The following ZNF680 variants were observed in gnomAD, a reference collection of about 807,000 sequenced individuals.
The protein encoded by ZNF680 is zinc finger protein 680, also known as hypothetical protein FLJ90430.
Under a neutral mutation model 12.1 loss-of-function variants are expected in ZNF680, and 6 were observed. That is an observed-to-expected ratio of 0.49 (90% CI 0.27 to 0.98). ZNF680 has a LOEUF of 0.98. ZNF680 is among the 50% of genes least tolerant of loss of function. ZNF680 has a pLI of 0.12. For synonymous variants in ZNF680, 170 were observed against 199.3 expected, an observed-to-expected ratio of 0.85 and a Z score of 1.24; for missense variants, 561 against 616.3, an observed-to-expected ratio of 0.91 and a Z score of 0.95.
chr7:64,557,177 G>A (rs1430190845), intron 1 of ZNF680, among the ~76,000 whole-genome samples: 2 of 151,974 alleles, frequency 1.3e-5, no homozygotes, highest in Non-Finnish European at 1.5e-5. Flanking sequence ...CATGAACCTG[G>A]GAGGTAGAGC....
chr7:64,533,199 C>A (rs1418156651), intron 3 of ZNF680, among the ~76,000 whole-genome samples: 2 of 152,086 alleles, frequency 1.3e-5, no homozygotes, highest in Non-Finnish European at 2.9e-5. Context: ...TAAAGGGCAT[C>A]CAAATCAGTA....
At chr7:64,514,832 T>C in the ZNF680 span, among the ~76,000 whole-genome samples, 1 of 152,296 alleles carries the variant, frequency 6.6e-6, no homozygotes, top group East Asian at 1.9e-4. Context: ...TCACCTGAGG[T>C]CGGGAATTCA....
chr7:64,516,658 A>C (rs1409566554), downstream of ZNF680, among the ~76,000 whole-genome samples: 1 of 152,206 alleles, frequency 6.6e-6, no homozygotes, highest in African/African-American at 2.4e-5. Context: ...CAAAAACCAC[A>C]AACTATGCAT....
chr7:64,510,216 A>G, the ZNF680 span, among the ~76,000 whole-genome samples: 1 of 90,522 alleles, frequency 1.1e-5, no homozygotes, highest in Non-Finnish European at 2.1e-5. Context: ...TGGTGATCCC[A>G]TAAATACGTA....
the ZNF680 span, among the ~76,000 whole-genome samples, chr7:64,504,525 A>G: frequency 6.6e-6 from 1 of 152,264 alleles, no homozygotes. Context: ...AATCCAAATT[A>G]CTATAAACAA....
intron 3 of ZNF680, among the ~76,000 whole-genome samples, chr7:64,539,365 AAAAAAAAAAAG>A (rs1159346976): frequency 6.2e-5 from 9 of 144,740 alleles, no homozygotes; most frequent in Admixed American, 2.8e-4. Context: ...AAAAAAAAAA[AAAAAAAAAAAG>A]AAAAGAAAAT....
intron 3 of ZNF680, 70 bp downstream of exon 3, chr7:64,543,637 C>A (rs1786621809): frequency 1.5e-6 from 2 of 1,325,546 alleles, no homozygotes; most frequent in Non-Finnish European, 2.1e-6. Flanking sequence ...ATGTCAAGAA[C>A]TGACTTTCTC....
intron 1 of ZNF680, among the ~76,000 whole-genome samples, chr7:64,560,371 C>T (rs950930862): frequency 1.3e-5 from 2 of 152,234 alleles, no homozygotes; most frequent in Admixed American, 1.3e-4. Flanking sequence ...CTCTTGGCAT[C>T]CTAAAGTGCT....
intron 3 of ZNF680, among the ~76,000 whole-genome samples, chr7:64,536,524 C>A (rs746308830): frequency 1.3e-5 from 2 of 152,192 alleles, no homozygotes; most frequent in African/African-American, 4.8e-5. Context: ...CTGATTACCA[C>A]GAGGATGGCG....
chr7:64,559,408 A>G (rs1287264847), intron 1 of ZNF680, among the ~76,000 whole-genome samples: 1 of 152,116 alleles, frequency 6.6e-6, no homozygotes, highest in Non-Finnish European at 1.5e-5. Flanking sequence ...CAGCCGGGCC[A>G]GAGTGACTCA....
intron 1 of ZNF680, among the ~76,000 whole-genome samples, chr7:64,555,693 C>A (rs187627686): frequency 6.8e-6 from 1 of 147,788 alleles, no homozygotes; most frequent in African/African-American, 2.5e-5. Context: ...AAAAAAAATA[C>A]GAGACCAAAA....
chr7:64,558,261 A>C (rs935141568), intron 1 of ZNF680, among the ~76,000 whole-genome samples: 5 of 150,656 alleles, frequency 3.3e-5, no homozygotes, highest in African/African-American at 1.2e-4. Flanking sequence ...GATTTTTGGC[A>C]AAAAAAAACA....
intron 3 of ZNF680, among the ~76,000 whole-genome samples, chr7:64,537,775 AAAC>A (rs1159577950): frequency 3.9e-5 from 6 of 152,004 alleles, no homozygotes; most frequent in Non-Finnish European, 8.8e-5. Flanking sequence ...AAAATACAAA[AAAC>A]AATTAGCCGG....
At chr7:64,548,889 G>A (rs1046051819) in intron 1 of ZNF680, among the ~76,000 whole-genome samples, 10 of 151,978 alleles carry the variant, frequency 6.6e-5, no homozygotes, top group South Asian at 2.1e-4. Flanking sequence ...TTGGGAGGCC[G>A]AGGTGGGCGG....
chr7:64,510,527 G>A, the ZNF680 span, among the ~76,000 whole-genome samples: 50 of 152,134 alleles, frequency 3.3e-4, no homozygotes, highest in Non-Finnish European at 5.6e-4. Flanking sequence ...AAACTTTGCA[G>A]TATGTAAATA....
chr7:64,516,640 A>G (rs1791361520), downstream of ZNF680, among the ~76,000 whole-genome samples: 1 of 152,214 alleles, frequency 6.6e-6, no homozygotes, highest in Non-Finnish European at 1.5e-5. Context: ...TTTACAGAAC[A>G]TTCTAGCCAA....
At chr7:64,529,492 G>A (rs899999764) in intron 3 of ZNF680, among the ~76,000 whole-genome samples, 4 of 151,948 alleles carry the variant, frequency 2.6e-5, no homozygotes, top group African/African-American at 4.8e-5. Flanking sequence ...AGGAAACACT[G>A]GACACACTTA....
intron 1 of ZNF680, among the ~76,000 whole-genome samples, chr7:64,557,817 C>T (rs557196973): frequency 2.0e-5 from 3 of 152,136 alleles, no homozygotes; most frequent in Admixed American, 1.3e-4. Flanking sequence ...ACCCCGGAGG[C>T]GGAGGACAAA....
chr7:64,561,042 A>G (rs1420443127), intron 1 of ZNF680: 3 of 150,550 alleles, frequency 2.0e-5, no homozygotes, highest in South Asian at 2.1e-4. Flanking sequence ...TTTTTTCACT[A>G]TTTTTCTGCC....
Sources: allele counts gnomAD v4.1 joint callset (sites outside exome capture counted in the v4.1 genomes callset), GRCh38; gene constraint gnomAD v4.1.1; transcripts MANE v1.5; gene names NCBI Gene and HGNC (gene_info 2026-07-23, HGNC 2026-07-21).